AKT2: variants seen among roughly 807,000 people sequenced by gnomAD.
AKT2 encodes AKT serine/threonine kinase 2.
In AKT2, 16 loss-of-function variants were observed where a neutral mutation model predicts 58.6. The observed-to-expected ratio is 0.27, with a 90% CI of 0.18 to 0.41. AKT2 has a LOEUF of 0.41. Among genes scored for constraint, AKT2 ranks in the 10% least tolerant of loss-of-function variants. AKT2 has a pLI of 1.00. For synonymous variants in AKT2, 253 were observed against 254.0 expected (o/e 1.00, Z 0.04); for missense variants, 438 against 661.0 (o/e 0.66, Z 3.70).
intron 3 of AKT2, 47 bp downstream of exon 3, chr19:40,256,879 C>A (rs912374918): frequency 3.7e-6 from 6 of 1,612,718 alleles, no homozygotes; most frequent in African/African-American, 1.3e-5. Context: ...GACGTGCCAG[C>A]CATCCTGTGA....
chr19:40,277,367 C>G (rs748829579), intron 1 of AKT2, among the ~76,000 whole-genome samples: 1 of 152,224 alleles, frequency 6.6e-6, no homozygotes, highest in Admixed American at 6.5e-5. Flanking sequence ...GGCCTTCGGA[C>G]ACCAGTTTGA....
At chr19:40,236,535 G>T in intron 9 of AKT2, 150 bp from the exon 10 acceptor site, 1 of 1,070,958 alleles carries the variant, frequency 9.3e-7, no homozygotes, top group Non-Finnish European at 1.4e-6. Flanking sequence ...ACCCTCTGAG[G>T]CTCAGAGAGA....
intron 1 of AKT2, among the ~76,000 whole-genome samples, chr19:40,270,081 G>A (rs1976604696): frequency 6.6e-6 from 1 of 152,228 alleles, no homozygotes; most frequent in Non-Finnish European, 1.5e-5. Context: ...ACCCTCAGGT[G>A]GAAACTCAGG....
At position 40,235,371 on chromosome 19, in the gene AKT2, G is replaced by A. The variant is rs2145160180; in HGVS notation, c.1176-21C>T. 4 of 1,612,822 alleles carry A rather than the reference G, an allele frequency of 2.5e-6. No individual in the cohort carries two copies. The highest frequency in any genetic ancestry group is 3.4e-6 in the Non-Finnish European group (4 of 1,179,590). On this transcript the variant is annotated intron_variant, in intron 11 of 13. Coordinates refer to ENST00000392038, the MANE Select transcript of AKT2 (RefSeq NM_001626.6). This position sits in a 1 kb window ranked among gnomAD's most constrained non-coding sequence, Gnocchi z 6.3. ...CAAGCCTGTGCAGAGACGGCCGTCAGCACCTGCCTCCCGGAGCAGCTGGGT... is the reference window on the plus strand; with the variant it reads ...CAAGCCTGTGCAGAGACGGCCGTCAACACCTGCCTCCCGGAGCAGCTGGGT...
chr19:40,270,678 C>T (rs1157388008), intron 1 of AKT2: 1 of 152,140 alleles, frequency 6.6e-6, no homozygotes, highest in East Asian at 1.9e-4. Context: ...CTGTGCCTTT[C>T]CACAGCGCCC....
At chr19:40,244,715 C>T (rs980942786) in intron 4 of AKT2, among the ~76,000 whole-genome samples, 3 of 152,222 alleles carry the variant, frequency 2.0e-5, no homozygotes, top group Non-Finnish European at 2.9e-5. Context: ...AAATAAGCCA[C>T]AGGGAGTGCA....
rs1008708991 is a variant in AKT2 at position 40,234,821 on chromosome 19, GCCC to G, written c.1366+221_1366+223del. 7 of 639,264 alleles carry G rather than the reference GCCC, an allele frequency of 1.1e-5. No individual in the cohort carries two copies. The East Asian group carries it at 1.6e-4, about 15-fold the overall frequency. 39.6% of individuals were successfully genotyped at this position (639,264 alleles called of 1,614,324 possible). ...GGGACCGGGCTGCCTCCTGCCCTGAGCCCCCCGACTGAGCTCCAGAACGTGCTG... is the reference window on the plus strand; with the variant it reads ...GGGACCGGGCTGCCTCCTGCCCTGAGCCCGACTGAGCTCCAGAACGTGCTG... On this transcript the variant is annotated intron_variant, in intron 13 of 13. Coordinates refer to ENST00000392038, the MANE Select transcript of AKT2 (RefSeq NM_001626.6). This position sits in a 1 kb window ranked among gnomAD's most constrained non-coding sequence, Gnocchi z 4.7.
At chr19:40,244,814 C>A (rs1974646623) in intron 4 of AKT2, among the ~76,000 whole-genome samples, 1 of 152,232 alleles carries the variant, frequency 6.6e-6, no homozygotes, top group African/African-American at 2.4e-5. Flanking sequence ...GGGCCCCTAC[C>A]CAAGGTCAGG....
rs1042020698 is a variant in AKT2 at position 40,242,711 on chromosome 19, C to T, written c.288-24G>A. 13 of 1,607,518 alleles carry T rather than the reference C, an allele frequency of 8.1e-6. No homozygotes were observed. The highest frequency in any genetic ancestry group is 1.1e-5 in the Non-Finnish European group (13 of 1,179,806). ...CCCTGTGCAGGGACACACGTGAGTCCCAGCAGCCAGGAGTCCTGGGCCTCA... is the reference window on the plus strand; with the variant it reads ...CCCTGTGCAGGGACACACGTGAGTCTCAGCAGCCAGGAGTCCTGGGCCTCA... On this transcript the variant is annotated intron_variant, in intron 4 of 13. Coordinates refer to ENST00000392038, the MANE Select transcript of AKT2 (RefSeq NM_001626.6). The surrounding 1 kb of genome is among the most constrained non-coding windows in gnomAD (Gnocchi z 4.3).
intron 2 of AKT2, 43 bp from the exon 3 acceptor site, chr19:40,257,097 T>C (rs1429280096): frequency 1.2e-6 from 2 of 1,611,118 alleles, no homozygotes; most frequent in African/African-American, 2.7e-5. Flanking sequence ...TAGGACAAGG[T>C]TGAGTGATGT....
Position 40,238,216 on chromosome 19 carries a change from G to A in AKT2, c.709-125C>T. ...CTGTATCATGAACCAGCAAGTGACA[G>A]CTAGAGGGACCAATCAAGGCAGAGC... On this transcript the variant is annotated intron_variant, in intron 8 of 13. Coordinates refer to ENST00000392038, the MANE Select transcript of AKT2 (RefSeq NM_001626.6). This position sits in a 1 kb window ranked among gnomAD's most constrained non-coding sequence, Gnocchi z 5.1. 7.7e-7 allele frequency: 1 copy of A among 1,300,010 alleles called. No homozygotes were observed. Among genetic ancestry groups the A allele is most frequent in the East Asian group, 2.6e-5 (1 of 39,152 alleles). The allele number at this position is 1,300,010 out of a possible 1,614,324, so 80.5% of individuals were successfully genotyped here.
intron 1 of AKT2, among the ~76,000 whole-genome samples, chr19:40,276,572 GC>G (rs991930994): frequency 2.6e-5 from 4 of 151,516 alleles, no homozygotes; most frequent in Middle Eastern, 3.2e-3. Context: ...CACCATCTTG[GC>G]CAGGCTGGTA....
intron 1 of AKT2, chr19:40,282,482 G>A: frequency 2.0e-6 from 1 of 512,740 alleles, no homozygotes; most frequent in Non-Finnish European, 4.0e-6. Flanking sequence ...TCCACTCTGA[G>A]GAGGGACCAA....
At chr19:40,282,522 G>T in intron 1 of AKT2, 1 of 530,828 alleles carries the variant, frequency 1.9e-6, no homozygotes. Context: ...AGGCAGAGAT[G>T]CTCAGGGCAG....
At chr19:40,256,632 T>C (rs571311418) in intron 3 of AKT2, among the ~76,000 whole-genome samples, 4 of 152,250 alleles carry the variant, frequency 2.6e-5, no homozygotes, top group African/African-American at 4.8e-5. Context: ...CTGCCACCAG[T>C]TGGGGACTCC....
chr19:40,241,467 T>C (rs1974400313), intron 6 of AKT2: 1 of 236,296 alleles, frequency 4.2e-6, no homozygotes, highest in Non-Finnish European at 8.5e-6. Context: ...TGATAACTGG[T>C]TAAACTGGAC....
intron 2 of AKT2, among the ~76,000 whole-genome samples, chr19:40,264,036 GCCTC>G (rs1422559967): frequency 6.6e-6 from 1 of 152,064 alleles, no homozygotes; most frequent in East Asian, 1.9e-4. Flanking sequence ...GGAGCTGTCT[GCCTC>G]CCTGTCAGCG....
intron 1 of AKT2, chr19:40,273,608 G>A (rs1331919662): frequency 6.6e-6 from 1 of 151,860 alleles, no homozygotes; most frequent in Non-Finnish European, 1.5e-5. Context: ...TGGGGCTGGA[G>A]GCAGGTTGAA....
Position 40,230,719 on chromosome 19 carries a change from T to TG in AKT2, c.*3152_*3153insC, listed in dbSNP as rs1973659169. ...CTTTTTTAATAGCATGTATCATGTT[T>TG]TTTTTTTTTTTATTTTTAGAGACAC... On this transcript the variant is annotated 3_prime_UTR_variant, in exon 14 of 14. Transcript: ENST00000392038. 3 of 206,682 alleles carry TG rather than the reference T, an allele frequency of 1.5e-5. No homozygotes were observed. The highest frequency in any genetic ancestry group is 3.0e-5 in the Non-Finnish European group (3 of 101,376). 12.8% of individuals were successfully genotyped at this position (206,682 alleles called of 1,614,324 possible).
Sources: gnomAD v4.1 joint callset for allele counts (sites outside exome capture counted in the v4.1 genomes callset) on GRCh38, gnomAD v4.1.1 for gene constraint, Gnocchi (gnomAD v3.1) non-coding constraint, MANE v1.5 for transcripts, NCBI Gene and HGNC (gene_info 2026-07-23, HGNC 2026-07-21) for gene names.